AKAP19: variants seen among roughly 807,000 people sequenced by gnomAD.
AKAP19 encodes A-kinase anchoring protein 19, also known as small A-kinase anchoring protein.
chr2:190,198,481 A>AACTT, the AKAP19 span, among the ~76,000 whole-genome samples: 1 of 151,982 alleles, frequency 6.6e-6, no homozygotes, highest in African/African-American at 2.4e-5. Flanking sequence ...TCTCTACAAA[A>AACTT]ACTTAGGTAG....
At chr2:189,930,740 A>G in the AKAP19 span, 1 of 656,206 alleles carries the variant, frequency 1.5e-6, no homozygotes, top group Non-Finnish European at 2.8e-6. Context: ...CAGATCACAC[A>G]CTCCCAGATC....
the AKAP19 span, among the ~76,000 whole-genome samples, chr2:190,083,915 G>A: frequency 6.6e-6 from 1 of 152,104 alleles, no homozygotes; most frequent in Admixed American, 6.6e-5. Context: ...CACACAGCGA[G>A]CAAGTTACGG....
the AKAP19 span, among the ~76,000 whole-genome samples, chr2:189,971,397 G>T: frequency 3.9e-5 from 6 of 152,134 alleles, no homozygotes; most frequent in Non-Finnish European, 5.9e-5. Context: ...TGGACATTTG[G>T]GTTGGTTCCA....
chr2:189,964,796 T>C, the AKAP19 span, among the ~76,000 whole-genome samples: 1 of 152,238 alleles, frequency 6.6e-6, no homozygotes, highest in Admixed American at 6.5e-5. Context: ...TGGATTAGGC[T>C]TTGGCATAAG....
At chr2:189,955,747 G>A in the AKAP19 span, among the ~76,000 whole-genome samples, 2 of 152,130 alleles carry the variant, frequency 1.3e-5, no homozygotes, top group African/African-American at 2.4e-5. Context: ...TTATTGGGAT[G>A]TAATTTAAGA....
chr2:189,881,720 C>T, the AKAP19 span, among the ~76,000 whole-genome samples: 15 of 152,240 alleles, frequency 9.9e-5, no homozygotes, highest in Non-Finnish European at 2.2e-4. Flanking sequence ...AAATTGAAAA[C>T]ATTATTTTGC....
chr2:190,063,756 C>G, the AKAP19 span, among the ~76,000 whole-genome samples: 1 of 152,182 alleles, frequency 6.6e-6, no homozygotes, highest in East Asian at 1.9e-4. Context: ...AGGGCAGACA[C>G]CTGGCAGGGA....
chr2:189,882,451 G>A, the AKAP19 span, among the ~76,000 whole-genome samples: 39 of 152,234 alleles, frequency 2.6e-4, no homozygotes, highest in African/African-American at 8.2e-4. Flanking sequence ...ATCAATATGC[G>A]TAAGATGTAT....
At chr2:189,894,643 A>T in the AKAP19 span, among the ~76,000 whole-genome samples, 1 of 151,354 alleles carries the variant, frequency 6.6e-6, no homozygotes, top group Non-Finnish European at 1.5e-5. Flanking sequence ...TTTTCCTCTT[A>T]AATATTATTA....
chr2:190,184,258 A>ATGCC, the AKAP19 span, among the ~76,000 whole-genome samples: 1 of 152,242 alleles, frequency 6.6e-6, no homozygotes, highest in Admixed American at 6.5e-5. Flanking sequence ...CAAAGAGTGA[A>ATGCC]TGCCTAGCTT....
chr2:189,886,366 C>G, the AKAP19 span, among the ~76,000 whole-genome samples: 1 of 152,144 alleles, frequency 6.6e-6, no homozygotes. Context: ...CACAGTAGTT[C>G]TTGAGGCACT....
the AKAP19 span, among the ~76,000 whole-genome samples, chr2:189,976,616 G>T: frequency 6.6e-6 from 1 of 152,224 alleles, no homozygotes; most frequent in Non-Finnish European, 1.5e-5. Flanking sequence ...GAGCTGCGGT[G>T]GGTTCCACCC....
At chr2:190,032,031 C>T in the AKAP19 span, among the ~76,000 whole-genome samples, 2 of 152,130 alleles carry the variant, frequency 1.3e-5, no homozygotes, top group Non-Finnish European at 2.9e-5. Flanking sequence ...ATCAGTCCTA[C>T]TCTTATGGAT....
chr2:190,180,116 A>C, the AKAP19 span, among the ~76,000 whole-genome samples: 2 of 152,234 alleles, frequency 1.3e-5, no homozygotes, highest in East Asian at 3.8e-4. This position sits in a 1 kb window ranked among gnomAD's most constrained non-coding sequence, Gnocchi z 6.8. Flanking sequence ...TAAAATGGAT[A>C]TGTCCTTTAA....
the AKAP19 span, among the ~76,000 whole-genome samples, chr2:189,957,878 C>T: frequency 6.6e-6 from 1 of 152,184 alleles, no homozygotes; most frequent in Non-Finnish European, 1.5e-5. Flanking sequence ...ACTGCAACCT[C>T]CGCCTCCCAG....
the AKAP19 span, among the ~76,000 whole-genome samples, chr2:189,953,165 A>G: frequency 6.6e-6 from 1 of 152,176 alleles, no homozygotes; most frequent in Non-Finnish European, 1.5e-5. Flanking sequence ...AAGTGGGGAC[A>G]GGCTGCATCT....
the AKAP19 span, among the ~76,000 whole-genome samples, chr2:189,962,615 A>G: frequency 6.6e-6 from 1 of 152,164 alleles, no homozygotes; most frequent in Non-Finnish European, 1.5e-5. Context: ...ACCTTACACT[A>G]TTAACAGTGG....
chr2:190,081,205 C>CA, the AKAP19 span, among the ~76,000 whole-genome samples: 9 of 151,766 alleles, frequency 5.9e-5, no homozygotes, highest in Admixed American at 3.9e-4. Context: ...CCCATCCCCC[C>CA]ATCCTCCCAT....
the AKAP19 span, among the ~76,000 whole-genome samples, chr2:190,086,441 A>G: frequency 6.6e-6 from 1 of 152,202 alleles, no homozygotes; most frequent in South Asian, 2.1e-4. Context: ...GACCTATTCC[A>G]TAATTAGGTT....
Sources: allele counts gnomAD v4.1 joint callset (sites outside exome capture counted in the v4.1 genomes callset), GRCh38; gene constraint gnomAD v4.1.1; non-coding constraint Gnocchi (gnomAD v3.1); transcripts MANE v1.5; gene names NCBI Gene and HGNC (gene_info 2026-07-23, HGNC 2026-07-21).